Variants in FBXO4 observed in about 807,000 individuals in gnomAD.
FBXO4 encodes F-box protein 4, also known as F-box only protein 4.
A neutral mutation model predicts 43.7 loss-of-function variants in FBXO4; 36 were observed. The ratio of observed to expected loss-of-function variants is 0.82; its 90% CI spans 0.63 to 1.09. The LOEUF (loss-of-function observed/expected upper bound fraction) is 1.09, where lower values mean the gene tolerates loss of function less well. Ranked by LOEUF, FBXO4 falls within the 50% of genes least tolerant of loss-of-function variation. FBXO4 has a pLI of 0.00. For synonymous variants in FBXO4, 180 were observed against 165.6 expected (o/e 1.09, Z -0.67); for missense variants, 435 against 474.1 (o/e 0.92, Z 0.77).
chr5:41,962,233 G>T, the FBXO4 span, among the ~76,000 whole-genome samples: 2 of 152,162 alleles, frequency 1.3e-5, no homozygotes. Flanking sequence ...TGGGATCTGT[G>T]CCTTCGTTTT....
the FBXO4 span, among the ~76,000 whole-genome samples, chr5:41,956,609 C>A: frequency 2.0e-4 from 30 of 151,634 alleles, 1 homozygote; most frequent in African/African-American, 7.3e-4. Flanking sequence ...TTTCCCCCAG[C>A]AATTTAAAGA....
the FBXO4 span, among the ~76,000 whole-genome samples, chr5:41,953,291 C>A: frequency 6.6e-6 from 1 of 151,642 alleles, no homozygotes; most frequent in African/African-American, 2.4e-5. Flanking sequence ...ATGTTGATTT[C>A]CAATTTCATC....
the FBXO4 span, among the ~76,000 whole-genome samples, chr5:41,971,082 TG>T: frequency 6.6e-6 from 1 of 152,032 alleles, no homozygotes; most frequent in African/African-American, 2.4e-5. Context: ...GGGGGAATTT[TG>T]AACATAGTCT....
the FBXO4 span, among the ~76,000 whole-genome samples, chr5:42,026,546 T>C: frequency 0.016 from 2,431 of 151,924 alleles, 121 homozygotes; most frequent in East Asian, 0.1. Flanking sequence ...TTTGGATGCT[T>C]TTTATTTCTT....
the FBXO4 span, among the ~76,000 whole-genome samples, chr5:42,007,039 T>G: frequency 6.6e-6 from 1 of 150,608 alleles, no homozygotes; most frequent in African/African-American, 2.4e-5. Flanking sequence ...TGTGTTGAAC[T>G]GCCTCCCTTC....
At chr5:41,932,967 G>A (rs1024347756) in intron 3 of FBXO4, among the ~76,000 whole-genome samples, 4 of 152,168 alleles carry the variant, frequency 2.6e-5, no homozygotes, top group Admixed American at 2.0e-4. Flanking sequence ...AAAGCAGTAA[G>A]AAGCTAATAT....
chr5:41,925,607 T>G, intron 1 of FBXO4, 109 bp downstream of exon 1: 1 of 800,520 alleles, frequency 1.2e-6, no homozygotes, highest in Non-Finnish European at 1.7e-6. Context: ...GGCCTGGGTC[T>G]GGCTCCGTCC....
chr5:41,963,768 G>T, the FBXO4 span: 9 of 152,270 alleles, frequency 5.9e-5, no homozygotes, highest in African/African-American at 2.2e-4. Context: ...ATGTCTTGGG[G>T]TAGCAGAGAT....
downstream of FBXO4, among the ~76,000 whole-genome samples, chr5:41,943,306 C>T (rs569353321): frequency 6.6e-6 from 1 of 152,142 alleles, no homozygotes; most frequent in African/African-American, 2.4e-5. Context: ...ATGAACAAAC[C>T]AAAATTGTTA....
chr5:41,932,013 G>C (rs1286462079), intron 3 of FBXO4, among the ~76,000 whole-genome samples: 1 of 152,170 alleles, frequency 6.6e-6, no homozygotes, highest in Middle Eastern at 3.2e-3. Context: ...TGCTACTTGA[G>C]AGTTCACTGC....
rs760717501 is a variant in FBXO4, at chr5:41,941,311, C to T, written c.*30C>T. On this transcript the variant is annotated 3_prime_UTR_variant, in exon 7 of 7. Coordinates refer to ENST00000281623, the MANE Select transcript of FBXO4 (RefSeq NM_012176.3). ...CTTTTCAGATCTTGGGAACTGAAACCATTTGAAATTTATTACTAAGGTCGT... is the reference window on the plus strand; with the variant it reads ...CTTTTCAGATCTTGGGAACTGAAACTATTTGAAATTTATTACTAAGGTCGT... 1 of 1,581,966 alleles carries T rather than the reference C, an allele frequency of 6.3e-7. No individual in the cohort carries two copies. Among genetic ancestry groups the T allele is most frequent in the Non-Finnish European group, 8.7e-7 (1 of 1,151,244 alleles).
the FBXO4 span, among the ~76,000 whole-genome samples, chr5:41,980,651 GT>G: frequency 6.0e-3 from 899 of 150,668 alleles, 3 homozygotes; most frequent in Non-Finnish European, 7.6e-3. Flanking sequence ...CGTTTTATGG[GT>G]TTTTTTTTGC....
At chr5:42,019,550 T>C in the FBXO4 span, among the ~76,000 whole-genome samples, 9 of 151,912 alleles carry the variant, frequency 5.9e-5, no homozygotes, top group Admixed American at 5.9e-4. Flanking sequence ...TAGTTGGGTG[T>C]GGTGGCACAC....
At chr5:41,959,611 C>G in the FBXO4 span, among the ~76,000 whole-genome samples, 2 of 152,016 alleles carry the variant, frequency 1.3e-5, no homozygotes, top group African/African-American at 4.8e-5. Flanking sequence ...AAAATTCAGT[C>G]TTTATTGAAG....
At chr5:41,991,816 C>T in the FBXO4 span, among the ~76,000 whole-genome samples, 20 of 152,308 alleles carry the variant, frequency 1.3e-4, 1 homozygote, top group African/African-American at 4.3e-4. Context: ...CAGTGGCTCA[C>T]GCCTGTAATG....
At chr5:41,936,241 G>A (rs1751845128) in intron 5 of FBXO4, among the ~76,000 whole-genome samples, 1 of 152,176 alleles carries the variant, frequency 6.6e-6, no homozygotes, top group South Asian at 2.1e-4. Flanking sequence ...TTCTCAGAAA[G>A]GGACATTAAA....
chr5:42,019,483 G>A, the FBXO4 span, among the ~76,000 whole-genome samples: 8 of 152,096 alleles, frequency 5.3e-5, no homozygotes, highest in African/African-American at 1.9e-4. Flanking sequence ...GAGGTCAAGA[G>A]TTTGAGACCA....
chr5:41,998,360 T>A, the FBXO4 span, among the ~76,000 whole-genome samples: 1 of 152,146 alleles, frequency 6.6e-6, no homozygotes, highest in African/African-American at 2.4e-5. Flanking sequence ...TGGTTAAGGG[T>A]GTATCTCCTG....
the FBXO4 span, among the ~76,000 whole-genome samples, chr5:42,037,539 T>A: frequency 6.6e-6 from 1 of 152,218 alleles, no homozygotes; most frequent in South Asian, 2.1e-4. Context: ...CTGACCCACG[T>A]CCTCATAGTT....
Sources: allele counts gnomAD v4.1 joint callset (sites outside exome capture counted in the v4.1 genomes callset), GRCh38; gene constraint gnomAD v4.1.1; transcripts MANE v1.5; gene names NCBI Gene and HGNC (gene_info 2026-07-23, HGNC 2026-07-21).